Variants in PARP4 observed in about 807,000 individuals in gnomAD.
PARP4 encodes poly(ADP-ribose) polymerase family member 4.
Under a neutral mutation model 187.7 loss-of-function variants are expected in PARP4, and 120 were observed. That is an observed-to-expected ratio of 0.64 (90% confidence interval 0.55 to 0.74). PARP4 has a LOEUF of 0.74. PARP4 is among the 30% of genes least tolerant of loss of function. The pLI is 0.00. For synonymous variants in PARP4, 654 were observed against 740.9 expected, an observed-to-expected ratio of 0.88 and a Z score of 1.90; for missense variants, 1,836 against 2,070.5, an observed-to-expected ratio of 0.89 and a Z score of 2.20.
In PARP4 at chr13:24,492,584, G is replaced by C. The variant is rs759627164; in HGVS notation, c.890C>G (p.Ala297Gly). Residue 297 changes from alanine to glycine, a missense_variant, in exon 9 of 34, where the codon GCA becomes GGA. Transcript: ENST00000381989. ...NRISLNDVSK[A>G]EGILLLVKAA... ...CTTTACTAGAAGGAGAATCCCCTCT[G>C]CCTTGCTCACCTTTCAACAGATCAT... 1 of 1,613,604 alleles carries C rather than the reference G, an allele frequency of 6.2e-7. No homozygotes were observed. The highest frequency in any genetic ancestry group is 1.3e-5 in the African/African-American group (1 of 75,016).
At chr13:24,500,151 A>G (rs1446525198) in intron 4 of PARP4, among the ~76,000 whole-genome samples, 165 bp downstream of exon 4, 1 of 152,192 alleles carries the variant, frequency 6.6e-6, no homozygotes, top group African/African-American at 2.4e-5. Flanking sequence ...TGATCACTAT[A>G]CTAGTTGAAG....
At chr13:24,460,311 T>C (rs529603785) in intron 17 of PARP4, among the ~76,000 whole-genome samples, 175 bp from the exon 18 acceptor site, 1 of 152,338 alleles carries the variant, frequency 6.6e-6, no homozygotes, top group East Asian at 1.9e-4. Context: ...CCTGGAGCCA[T>C]TCACCAGTGG....
chr13:24,426,650 T>G (rs1187686034), intron 32 of PARP4, 52 bp from the exon 33 acceptor site: 1 of 1,503,380 alleles, frequency 6.7e-7, no homozygotes, highest in South Asian at 1.2e-5. Flanking sequence ...CATCTCAAAC[T>G]GTGCCTGTTT....
At chr13:24,447,562 T>C (rs543293718) in intron 25 of PARP4, among the ~76,000 whole-genome samples, 60 of 152,306 alleles carry the variant, frequency 3.9e-4, no homozygotes, top group African/African-American at 1.3e-3. Context: ...GGTTTCACCA[T>C]GTTGCCCAGG....
intron 6 of PARP4, among the ~76,000 whole-genome samples, chr13:24,497,762 G>C (rs944545916): frequency 1.5e-4 from 23 of 152,182 alleles, no homozygotes; most frequent in African/African-American, 5.6e-4. Flanking sequence ...GAGATCATAA[G>C]GGTGGGCCCT....
At chr13:24,470,117 T>C in intron 15 of PARP4, 92 bp from the exon 16 acceptor site, 1 of 1,241,864 alleles carries the variant, frequency 8.1e-7, no homozygotes, top group Non-Finnish European at 1.1e-6. Context: ...TGCATATTTA[T>C]TTGAATTTCC....
intron 24 of PARP4, 75 bp downstream of exon 24, chr13:24,452,331 G>T: frequency 8.2e-7 from 1 of 1,224,436 alleles, no homozygotes; most frequent in Non-Finnish European, 1.2e-6. Context: ...TTCCAAGCTT[G>T]CCAAAGTCCC....
intron 25 of PARP4, among the ~76,000 whole-genome samples, chr13:24,449,377 G>A (rs1280216822): frequency 3.7e-5 from 3 of 80,956 alleles, no homozygotes; most frequent in Non-Finnish European, 4.4e-5. Flanking sequence ...GACAGAGCAA[G>A]ACTCTGTCTC....
At chr13:24,458,862 A>G (rs1240920320) in intron 20 of PARP4, among the ~76,000 whole-genome samples, 182 bp downstream of exon 20, 1 of 152,230 alleles carries the variant, frequency 6.6e-6, no homozygotes, top group Non-Finnish European at 1.5e-5. Flanking sequence ...AAACAGCTCA[A>G]ATAGTCCAAA....
chr13:24,490,898 C>A, intron 9 of PARP4, 70 bp from the exon 10 acceptor site: 1 of 1,321,112 alleles, frequency 7.6e-7, no homozygotes, highest in Non-Finnish European at 1.1e-6. Context: ...ATCACATTAA[C>A]ACTTTCTCAA....
At chr13:24,486,439 A>G (rs1330901750) in intron 10 of PARP4, 134 bp from the exon 11 acceptor site, 3 of 631,062 alleles carry the variant, frequency 4.8e-6, no homozygotes, top group East Asian at 2.8e-5. Flanking sequence ...ACAGCACAGC[A>G]TATCTTGGAA....
chr13:24,505,953 G>A (rs889853126), intron 1 of PARP4, among the ~76,000 whole-genome samples: 9 of 152,238 alleles, frequency 5.9e-5, no homozygotes, highest in African/African-American at 2.2e-4. Flanking sequence ...CCACCGCCCT[G>A]CACCGCGATT....
chr13:24,470,234 T>C (rs936512843), intron 15 of PARP4, among the ~76,000 whole-genome samples: 1 of 152,254 alleles, frequency 6.6e-6, no homozygotes, highest in African/African-American at 2.4e-5. Context: ...AGGTGGTTCA[T>C]TCATGTCTGA....
At chr13:24,430,135 G>A (rs1159692157) in intron 32 of PARP4, among the ~76,000 whole-genome samples, 2 of 152,094 alleles carry the variant, frequency 1.3e-5, no homozygotes, top group Non-Finnish European at 2.9e-5. Context: ...GTCAGATAGA[G>A]GCTCTTCTAT....
intron 10 of PARP4, among the ~76,000 whole-genome samples, chr13:24,489,234 C>T (rs1391091234): frequency 1.3e-5 from 2 of 152,184 alleles, no homozygotes; most frequent in East Asian, 3.8e-4. Context: ...ACGCAGGCTG[C>T]ATCATTTTTC....
intron 2 of PARP4, among the ~76,000 whole-genome samples, chr13:24,502,506 T>C (rs551561220): frequency 2.6e-5 from 4 of 152,384 alleles, no homozygotes; most frequent in African/African-American, 9.6e-5. Context: ...TATGCGTAGA[T>C]ACATGGCAGC....
intron 12 of PARP4, among the ~76,000 whole-genome samples, chr13:24,482,057 C>G (rs1035789417): frequency 6.6e-5 from 10 of 152,146 alleles, no homozygotes; most frequent in African/African-American, 2.2e-4. Flanking sequence ...GAAGTTTACT[C>G]TAACTATCTT....
At chr13:24,506,242 G>A (rs955306370) in intron 1 of PARP4, among the ~76,000 whole-genome samples, 1 of 152,076 alleles carries the variant, frequency 6.6e-6, no homozygotes, top group Non-Finnish European at 1.5e-5. Flanking sequence ...AGTTTGTCCG[G>A]AGTTGTTTAC....
chr13:24,500,275 A>G, intron 4 of PARP4, 41 bp downstream of exon 4: 1 of 1,206,218 alleles, frequency 8.3e-7, no homozygotes, highest in Non-Finnish European at 1.2e-6. Flanking sequence ...AAGATTTTAC[A>G]AACTCTGTAG....
Sources: gnomAD v4.1 joint callset for allele counts (sites outside exome capture counted in the v4.1 genomes callset) on GRCh38, gnomAD v4.1.1 for gene constraint, MANE v1.5 for transcripts, NCBI Gene and HGNC (gene_info 2026-07-23, HGNC 2026-07-21) for gene names.